NEGR1: variants seen among roughly 807,000 people sequenced by gnomAD.
The protein encoded by NEGR1 is IgLON family member 4.
NEGR1 carries 10 observed loss-of-function variants against 40.9 expected under a neutral mutation model. The observed-to-expected ratio is 0.24, with a 90% CI of 0.15 to 0.42. The LOEUF (loss-of-function observed/expected upper bound fraction) is 0.42, where lower values mean the gene tolerates loss of function less well. Ranked by LOEUF, NEGR1 falls within the 10% of genes least tolerant of loss-of-function variation. The pLI is 1.00. For synonymous variants in NEGR1, 185 were observed against 166.8 expected, an observed-to-expected ratio of 1.11 and a Z score of -0.84; for missense variants, 352 against 438.9, an observed-to-expected ratio of 0.80 and a Z score of 1.77.
At chr1:72,172,674 T>G (rs1466443725) in intron 1 of NEGR1, among the ~76,000 whole-genome samples, 3 of 152,328 alleles carry the variant, frequency 2.0e-5, no homozygotes, top group East Asian at 3.9e-4. Flanking sequence ...ACACAAACAT[T>G]GCAGTTATGA....
At chr1:71,799,476 G>C (rs1318507146) in intron 2 of NEGR1, among the ~76,000 whole-genome samples, 1 of 152,114 alleles carries the variant, frequency 6.6e-6, no homozygotes, top group East Asian at 1.9e-4. Context: ...CCAAGTCTTT[G>C]CTAGTGTGAA....
chr1:71,554,364 T>TA (rs1372659867), intron 6 of NEGR1, among the ~76,000 whole-genome samples: 1 of 151,480 alleles, frequency 6.6e-6, no homozygotes, highest in African/African-American at 2.4e-5. Flanking sequence ...AATATTAGTG[T>TA]AAAAATCAAA....
intron 1 of NEGR1, among the ~76,000 whole-genome samples, chr1:72,201,675 G>C (rs1009271488): frequency 4.6e-5 from 7 of 151,822 alleles, no homozygotes; most frequent in Non-Finnish European, 8.8e-5. Context: ...AATGTGGTGG[G>C]GGGGGTGGAA....
intron 4 of NEGR1, among the ~76,000 whole-genome samples, chr1:71,642,480 TC>T (rs1651385903): frequency 6.6e-6 from 1 of 151,566 alleles, no homozygotes; most frequent in Admixed American, 6.6e-5. Context: ...ATGAAAGAGA[TC>T]AACTTTGTAA....
intron 1 of NEGR1, among the ~76,000 whole-genome samples, chr1:72,109,354 C>G (rs183129948): frequency 1.1e-3 from 173 of 151,670 alleles, no homozygotes; most frequent in Non-Finnish European, 1.7e-3. Flanking sequence ...AAAGAAGAGT[C>G]ATAAATAAAA....
intron 4 of NEGR1, among the ~76,000 whole-genome samples, chr1:71,684,612 G>A (rs565237350): frequency 1.3e-5 from 2 of 152,162 alleles, no homozygotes; most frequent in Non-Finnish European, 2.9e-5. Context: ...AATTCTATAT[G>A]TAGAGTCTCT....
chr1:71,476,132 A>G (rs945124977), intron 6 of NEGR1, among the ~76,000 whole-genome samples: 4 of 152,096 alleles, frequency 2.6e-5, no homozygotes. Context: ...TTTTAAAAAT[A>G]AAATTAATCT....
chr1:71,948,497 G>GTA (rs560906200), intron 1 of NEGR1, among the ~76,000 whole-genome samples: 1 of 82,936 alleles, frequency 1.2e-5, no homozygotes, highest in African/African-American at 4.9e-5. Context: ...GTGTGTGTGT[G>GTA]AGAGAGAGAG....
intron 6 of NEGR1, among the ~76,000 whole-genome samples, chr1:71,410,862 C>G (rs941452116): frequency 1.3e-5 from 2 of 152,104 alleles, no homozygotes; most frequent in Non-Finnish European, 2.9e-5. Context: ...ACTACTTGAT[C>G]TTAAGAAAAT....
intron 5 of NEGR1, among the ~76,000 whole-genome samples, chr1:71,600,246 A>G (rs1369164319): frequency 6.6e-6 from 1 of 152,236 alleles, no homozygotes; most frequent in Non-Finnish European, 1.5e-5. Flanking sequence ...CAGTCTTCCA[A>G]CAGAGTGTAT....
chr1:71,886,808 T>C (rs966880338), intron 2 of NEGR1, among the ~76,000 whole-genome samples: 7 of 152,176 alleles, frequency 4.6e-5, no homozygotes, highest in Non-Finnish European at 1.0e-4. Context: ...GATGCTAACA[T>C]GGAGGAGAAG....
chr1:71,941,731 A>G (rs1427415074), intron 1 of NEGR1, among the ~76,000 whole-genome samples: 1 of 151,796 alleles, frequency 6.6e-6, no homozygotes, highest in Non-Finnish European at 1.5e-5. Context: ...AATACCGTTC[A>G]GTATACAATA....
At chr1:72,181,949 A>G (rs1032379286) in intron 1 of NEGR1, among the ~76,000 whole-genome samples, 1 of 152,302 alleles carries the variant, frequency 6.6e-6, no homozygotes, top group Middle Eastern at 3.4e-3. Context: ...GCAGATGTGT[A>G]GAATGAACAA....
chr1:71,625,394 C>G (rs2101557766), intron 4 of NEGR1, among the ~76,000 whole-genome samples: 1 of 151,704 alleles, frequency 6.6e-6, no homozygotes, highest in Non-Finnish European at 1.5e-5. Flanking sequence ...TAAAAAATAA[C>G]AATACAATAA....
intron 1 of NEGR1, among the ~76,000 whole-genome samples, chr1:71,939,926 C>A (rs978822405): frequency 4.6e-5 from 7 of 152,098 alleles, no homozygotes; most frequent in Admixed American, 2.0e-4. Context: ...GATGAAGAAG[C>A]AAAGGTACTG....
intron 1 of NEGR1, among the ~76,000 whole-genome samples, chr1:72,028,534 C>T (rs1394053324): frequency 6.6e-6 from 1 of 152,182 alleles, no homozygotes; most frequent in African/African-American, 2.4e-5. Flanking sequence ...TCACCCCTAC[C>T]TACCTCTGCT....
intron 1 of NEGR1, among the ~76,000 whole-genome samples, chr1:72,012,149 G>T (rs1452654218): frequency 1.3e-5 from 2 of 152,020 alleles, no homozygotes; most frequent in African/African-American, 4.8e-5. Flanking sequence ...ATAACACAAG[G>T]TGAAGACAGT....
intron 1 of NEGR1, among the ~76,000 whole-genome samples, chr1:72,146,742 T>A (rs745759897): frequency 6.6e-6 from 1 of 152,216 alleles, no homozygotes; most frequent in Non-Finnish European, 1.5e-5. Flanking sequence ...AGGTCTTAAG[T>A]ATGTTGAATA....
chr1:71,737,647 C>A (rs1655081921), intron 3 of NEGR1, among the ~76,000 whole-genome samples: 1 of 151,968 alleles, frequency 6.6e-6, no homozygotes, highest in South Asian at 2.1e-4. Flanking sequence ...AAATGATCCA[C>A]AAATAACCAG....
Sources: gnomAD v4.1 joint callset for allele counts (sites outside exome capture counted in the v4.1 genomes callset) on GRCh38, gnomAD v4.1.1 for gene constraint, MANE v1.5 for transcripts, NCBI Gene and HGNC (gene_info 2026-07-23, HGNC 2026-07-21) for gene names.